The following ITIH2 variants were observed in gnomAD, a reference collection of about 807,000 sequenced individuals.
The protein encoded by ITIH2 is inter-alpha-trypsin inhibitor heavy chain H2.
Under a neutral mutation model 104.4 loss-of-function variants are expected in ITIH2, and 103 were observed. The ratio of observed to expected loss-of-function variants is 0.99; its 90% confidence interval spans 0.84 to 1.16. The LOEUF (loss-of-function observed/expected upper bound fraction) is 1.16, where lower values mean the gene tolerates loss of function less well. ITIH2 is among the 50% of genes most tolerant of loss of function. ITIH2 has a pLI of 0.00. For missense variants in ITIH2, 1,108 were observed against 1,162.4 expected, an observed-to-expected ratio of 0.95 and a Z score of 0.68; for synonymous variants, 436 against 435.4, an observed-to-expected ratio of 1.00 and a Z score of -0.02.
At position 7,720,854 on chromosome 10, in the gene ITIH2, A is replaced by G. The variant is rs1313144703; in HGVS notation, c.631-2A>G. 1 of 1,572,386 alleles carries G rather than the reference A, an allele frequency of 6.4e-7. No homozygotes were observed. The highest frequency in any genetic ancestry group is 2.2e-5 in the East Asian group (1 of 44,682). ...TTGGGTAATTTTCTCTTGCATCTCT[A>G]GGTAGATGTGTGGGTTATCGAACCA... On this transcript the variant is annotated splice_acceptor_variant, in intron 6 of 20. Transcript: ENST00000358415. LOFTEE classifies it high-confidence loss of function.
intron 10 of ITIH2, 88 bp from the exon 11 acceptor site, chr10:7,727,615 C>G: frequency 3.5e-6 from 5 of 1,447,460 alleles, no homozygotes; most frequent in Non-Finnish European, 4.8e-6. Flanking sequence ...GATAAGTGAT[C>G]AGCCGACATA....
intron 3 of ITIH2, among the ~76,000 whole-genome samples, chr10:7,707,722 G>A (rs1455623994): frequency 2.0e-5 from 3 of 151,894 alleles, no homozygotes; most frequent in Non-Finnish European, 4.4e-5. Flanking sequence ...ATGTCTCCTC[G>A]CCCAGCTAAT....
rs996413668 is a variant in ITIH2 at position 7,714,165 on chromosome 10, ATTT to A, written c.467+902_467+904del. ...TCACTCCTTGCACTGCACACTCACT[ATTT>A]TTTTTTTTTTTTTTTTTTTTTGAGA... On this transcript the variant is annotated intron_variant, in intron 5 of 20. Transcript: ENST00000358415. Among the ~76,000 whole-genome samples the A allele has an allele frequency of 1.9e-3, 162 of 83,998 alleles. 1 individual carries two copies. The highest frequency in any genetic ancestry group is 0.011 in the Middle Eastern group (1 of 92). The allele number at this position is 83,998 out of a possible 152,430, so 55.1% of individuals were successfully genotyped here.
rs753912589 is a variant in ITIH2 at position 7,713,288 on chromosome 10, A to G, written c.467+3A>G. On this transcript the variant is annotated splice_donor_region_variant and intron_variant, in intron 5 of 20. Transcript: ENST00000358415. ...GGCAAGACGGCTGGCTTGGTGAGGT[A>G]AGGCCTGAGTGAGCAAGGCTTGCCC... 3.1e-6 allele frequency: 5 copies of G among 1,609,378 alleles called. No homozygotes were observed. The East Asian group carries it at 1.1e-4, about 36-fold the overall frequency.
chr10:7,748,521 CTTTTTTTTTTTTTTTTTTTT>C (rs549517172), intron 20 of ITIH2, among the ~76,000 whole-genome samples: 2,679 of 27,142 alleles, frequency 0.099, 140 homozygotes, highest in South Asian at 0.24. Context: ...CCAATGCATT[CTTTTTTTTTTTTTTTTTTTT>C]TTTTTTTTTT....
Position 7,745,150 on chromosome 10 carries a change from T to A in ITIH2, c.2581+187T>A, listed in dbSNP as rs148356295. On this transcript the variant is annotated intron_variant, in intron 19 of 20. Transcript: ENST00000358415. The stretch of plus-strand genomic sequence containing the variant: ...CCTTTTGCCATTCCAGACAAGGTTG[T>A]CCAGGGCCAGGATTTCAGCATCACA... 1.8e-3 allele frequency among the ~76,000 whole-genome samples: 268 copies of A among 152,268 alleles called. 1 individual carries two copies. The highest frequency in any genetic ancestry group is 6.3e-3 in the African/African-American group (261 of 41,564).
In ITIH2 at chr10:7,723,480, T is replaced by G; in HGVS notation, c.897T>G (p.Phe299Leu). 1 of 1,613,420 alleles carries G rather than the reference T, an allele frequency of 6.2e-7. No individual in the cohort carries two copies. The highest frequency in any genetic ancestry group is 8.5e-7 in the Non-Finnish European group (1 of 1,179,336). Residue 299 changes from phenylalanine to leucine, a missense_variant, in exon 9 of 21, where the codon TTT becomes TTG. Physicochemically the swap from Phe to Leu is conservative, Grantham distance 22. Coordinates refer to ENST00000358415, the MANE Select transcript of ITIH2 (RefSeq NM_002216.3). Reference protein sequence around the residue: ...EVFNGYFVHFFAPDNLDPIPK... With the variant: ...EVFNGYFVHFLAPDNLDPIPK... ...TTAATGGATATTTTGTCCACTTCTTTGCTCCTGACAACCTGGACCCAATTC... is the reference window on the plus strand; with the variant it reads ...TTAATGGATATTTTGTCCACTTCTTGGCTCCTGACAACCTGGACCCAATTC...
In ITIH2 at chr10:7,713,131, A is replaced by C. The variant is rs1834813136; in HGVS notation, c.363-50A>C. 9 of 1,471,094 alleles carry C rather than the reference A, an allele frequency of 6.1e-6. No individual in the cohort carries two copies. In the African/African-American group the frequency reaches 7.0e-5, roughly 11 times the overall value. 91.1% of individuals were successfully genotyped at this position (1,471,094 alleles called of 1,614,324 possible). A position where few individuals can be genotyped will look rare whatever the true frequency, so the allele number is the denominator to read the frequency against. On this transcript the variant is annotated intron_variant, in intron 4 of 20. Coordinates refer to ENST00000358415, the MANE Select transcript of ITIH2 (RefSeq NM_002216.3). ...CAAGACTCCATCTCGAGGGGAAAAA[A>C]AAAAAAGATTACTATTCTGACCAAC... is the stretch of plus-strand genomic sequence containing the variant.
chr10:7,704,134 C>A (rs1255968478), intron 1 of ITIH2, among the ~76,000 whole-genome samples: 1 of 152,222 alleles, frequency 6.6e-6, no homozygotes, highest in Non-Finnish European at 1.5e-5. Flanking sequence ...TAAGGAAAGT[C>A]TTGGACTGAA....
At chr10:7,734,842 G>A in intron 14 of ITIH2, 80 bp from the exon 15 acceptor site, 1 of 1,260,628 alleles carries the variant, frequency 7.9e-7, no homozygotes, top group Non-Finnish European at 1.1e-6. Context: ...AGCAGTGGTG[G>A]GGTGCAGGGT....
At chr10:7,729,728 T>A (rs1207780483) in intron 11 of ITIH2, 1 of 439,542 alleles carries the variant, frequency 2.3e-6, no homozygotes, top group African/African-American at 2.0e-5. Context: ...TTGTTTCCAA[T>A]ATGTTGCTAA....
At chr10:7,738,271 T>A (rs192920065) in intron 15 of ITIH2, among the ~76,000 whole-genome samples, 4,290 of 99,182 alleles carry the variant, frequency 0.043, 451 homozygotes, top group African/African-American at 0.16. Flanking sequence ...ATATTCTATA[T>A]AATATTATAT....
At chr10:7,721,977 C>G (rs1457391540) in intron 8 of ITIH2, among the ~76,000 whole-genome samples, 200 bp downstream of exon 8, 1 of 152,116 alleles carries the variant, frequency 6.6e-6, no homozygotes, top group South Asian at 2.1e-4. Flanking sequence ...TGAATAGGGT[C>G]TCATGCTCTT....
At chr10:7,722,746 G>A (rs775993361) in intron 8 of ITIH2, among the ~76,000 whole-genome samples, 1 of 152,190 alleles carries the variant, frequency 6.6e-6, no homozygotes, top group South Asian at 2.1e-4. Context: ...CTAGAGAACC[G>A]TCCCCTGGGT....
Position 7,709,167 on chromosome 10 carries a change from G to A in ITIH2, c.338G>A (p.Gly113Glu), listed in dbSNP as rs757737026. ...GTGTTTGATGTTCAGATCCCCAAAGGAGCATTCATTTCCAACTTCTCCATG... is the reference window on the plus strand; with the variant it reads ...GTGTTTGATGTTCAGATCCCCAAAGAAGCATTCATTTCCAACTTCTCCATG... ...NVVFDVQIPK[G>E]AFISNFSMTV... Residue 113 changes from glycine to glutamate, a missense_variant, in exon 4 of 21, where the codon GGA becomes GAA. Physicochemically the swap from Gly to Glu is moderately conservative, Grantham distance 98 (BLOSUM62 -2). Coordinates refer to ENST00000358415, the MANE Select transcript of ITIH2 (RefSeq NM_002216.3). 5 of 1,613,934 alleles carry A rather than the reference G, an allele frequency of 3.1e-6. No individual in the cohort carries two copies. The highest frequency in any genetic ancestry group is 4.2e-6 in the Non-Finnish European group (5 of 1,180,008).
intron 8 of ITIH2, among the ~76,000 whole-genome samples, chr10:7,722,255 A>G (rs770113258): frequency 2.0e-5 from 3 of 152,128 alleles, no homozygotes; most frequent in Non-Finnish European, 4.4e-5. Flanking sequence ...TCTTTGTACT[A>G]AGGTGAGGAC....
intron 15 of ITIH2, among the ~76,000 whole-genome samples, chr10:7,737,679 T>C (rs28373468): frequency 8.7e-5 from 2 of 23,120 alleles, no homozygotes; most frequent in African/African-American, 3.7e-4. Flanking sequence ...ATTCTATATT[T>C]TCTATATTAT....
At chr10:7,734,206 ACT>A (rs1835030085) in intron 14 of ITIH2, among the ~76,000 whole-genome samples, 1 of 152,126 alleles carries the variant, frequency 6.6e-6, no homozygotes, top group Non-Finnish European at 1.5e-5. Flanking sequence ...TTAACTGTGG[ACT>A]CTGCGTGATA....
chr10:7,747,894 T>A (rs1835194796), intron 20 of ITIH2, among the ~76,000 whole-genome samples: 1 of 150,622 alleles, frequency 6.6e-6, no homozygotes, highest in Non-Finnish European at 1.5e-5. Flanking sequence ...GAGAGACCTG[T>A]CTCATAAATA....
Sources: allele counts gnomAD v4.1 joint callset (sites outside exome capture counted in the v4.1 genomes callset), GRCh38; gene constraint gnomAD v4.1.1; transcripts MANE v1.5; gene names NCBI Gene and HGNC (gene_info 2026-07-23, HGNC 2026-07-21).